AGBL1: variants seen among roughly 807,000 people sequenced by gnomAD.
AGBL1 encodes AGBL carboxypeptidase 1.
A neutral mutation model predicts 118.9 loss-of-function variants in AGBL1; 130 were observed. That is an observed-to-expected ratio of 1.09 (90% CI 0.95 to 1.26). The LOEUF (loss-of-function observed/expected upper bound fraction) is 1.26. Among genes scored for constraint, AGBL1 ranks in the 50% most tolerant of loss-of-function variants. AGBL1 has a pLI of 0.00. For synonymous variants in AGBL1, 555 were observed against 478.9 expected, an observed-to-expected ratio of 1.16 and a Z score of -2.08; for missense variants, 1,584 against 1,298.1, an observed-to-expected ratio of 1.22 and a Z score of -3.38.
chr15:86,866,313 G>A (rs1488213884), intron 22 of AGBL1, among the ~76,000 whole-genome samples: 1 of 152,070 alleles, frequency 6.6e-6, no homozygotes, highest in Non-Finnish European at 1.5e-5. Flanking sequence ...TTGAATTGTT[G>A]GTTGGACTTC....
chr15:86,510,275 T>C (rs2083038122), intron 18 of AGBL1, among the ~76,000 whole-genome samples: 1 of 152,152 alleles, frequency 6.6e-6, no homozygotes, highest in Non-Finnish European at 1.5e-5. Flanking sequence ...ATCTGCTAGT[T>C]AGCAGGAAAG....
chr15:86,700,099 T>G (rs969209328), intron 22 of AGBL1, among the ~76,000 whole-genome samples: 1 of 152,026 alleles, frequency 6.6e-6, no homozygotes, highest in African/African-American at 2.4e-5. Flanking sequence ...GATTCAAGGA[T>G]TACTCTTTTC....
chr15:86,852,537 T>C (rs1426662100), intron 22 of AGBL1, among the ~76,000 whole-genome samples: 1 of 152,222 alleles, frequency 6.6e-6, no homozygotes, highest in Non-Finnish European at 1.5e-5. Context: ...ACTATATAGA[T>C]TATGTGACTT....
chr15:86,776,747 T>TAA (rs1381752225), intron 22 of AGBL1, among the ~76,000 whole-genome samples: 1 of 107,200 alleles, frequency 9.3e-6, no homozygotes, highest in Non-Finnish European at 1.7e-5. Flanking sequence ...ATTATATATA[T>TAA]ATATGTGTGT....
At chr15:86,551,288 C>T (rs28784669) in intron 20 of AGBL1, among the ~76,000 whole-genome samples, 80,262 of 151,840 alleles carry the variant, frequency 0.53, 21,643 homozygotes, top group East Asian at 0.76. Context: ...ACATGCTTTT[C>T]ATTCAATAAT....
At position 86,143,834 on chromosome 15, in the gene AGBL1, T is replaced by G. The variant is rs2076997423; in HGVS notation, c.251T>G (p.Val84Gly). ...CCTCTCTTCCGGCTGCTGGCCAAAG[T>G]TGGCCTAAGAGGTACTCGTACTCCA... ...LLPLFRLLAK[V>G]GLRDKKIGRK... The change falls in exon 3 of 23, where the codon GTT (valine) becomes GGT (glycine). Residue 84 changes from valine (V) to glycine (G), a missense_variant. Physicochemically the swap from Val to Gly is moderately radical, Grantham distance 109. Coordinates refer to ENST00000614907, the MANE Select transcript of AGBL1 (RefSeq NM_001386094.1). 2 of 1,613,628 alleles carry G rather than the reference T, an allele frequency of 1.2e-6. No individual in the cohort carries two copies. The highest frequency in any genetic ancestry group is 2.2e-5 in the South Asian group (2 of 91,074).
chr15:86,131,443 T>A (rs1158006020), intron 1 of AGBL1, among the ~76,000 whole-genome samples: 1 of 151,116 alleles, frequency 6.6e-6, no homozygotes, highest in Non-Finnish European at 1.5e-5. Flanking sequence ...CAATGTCCTA[T>A]TTTTTTTAAA....
At chr15:86,672,130 A>G (rs557776544) in intron 21 of AGBL1, among the ~76,000 whole-genome samples, 2 of 152,192 alleles carry the variant, frequency 1.3e-5, no homozygotes, top group Non-Finnish European at 2.9e-5. Flanking sequence ...GTAAAGAGAA[A>G]AAAACAGAGT....
In AGBL1 at chr15:86,887,266, C is replaced by T. The variant is rs139943428; in HGVS notation, c.3159-19821C>T. On this transcript the variant is annotated intron_variant, in intron 22 of 22. Coordinates refer to ENST00000614907, the MANE Select transcript of AGBL1 (RefSeq NM_001386094.1). ...ATCTATTTATGTATGTATCTATCTA[C>T]CTACCTATCTATCATTTATCTATCA... Among the ~76,000 whole-genome samples the T allele has an allele frequency of 2.2e-3, 335 of 152,212 alleles. 1 individual carries two copies. Among genetic ancestry groups the T allele is most frequent in the African/African-American group, 7.7e-3 (318 of 41,542 alleles).
chr15:86,279,113 G>T (rs1226691973), intron 15 of AGBL1, among the ~76,000 whole-genome samples: 1 of 152,174 alleles, frequency 6.6e-6, no homozygotes, highest in Non-Finnish European at 1.5e-5. Context: ...ATGGGTTGCT[G>T]CAATAATAAC....
chr15:86,824,503 T>C (rs754815781), intron 22 of AGBL1, among the ~76,000 whole-genome samples: 2 of 152,056 alleles, frequency 1.3e-5, no homozygotes, highest in South Asian at 2.1e-4. Context: ...AAAGATGATA[T>C]TTATCTCCAA....
intron 22 of AGBL1, among the ~76,000 whole-genome samples, chr15:86,806,380 T>C (rs2078714145): frequency 1.3e-5 from 2 of 152,032 alleles, no homozygotes; most frequent in African/African-American, 2.4e-5. Flanking sequence ...AGAAATTACT[T>C]AAAAAGTGGC....
intron 7 of AGBL1, among the ~76,000 whole-genome samples, chr15:86,252,266 C>T (rs1341234610): frequency 6.6e-6 from 1 of 152,226 alleles, no homozygotes. Context: ...TCAGGCTCCT[C>T]TCTGGCCAAC....
intron 22 of AGBL1, among the ~76,000 whole-genome samples, chr15:86,888,665 T>G (rs1027547754): frequency 2.6e-5 from 4 of 152,108 alleles, no homozygotes; most frequent in Non-Finnish European, 5.9e-5. Flanking sequence ...CCTTGGACAT[T>G]TTCCATCTGT....
At chr15:86,183,154 G>A (rs75322012) in intron 5 of AGBL1, among the ~76,000 whole-genome samples, 3 of 152,230 alleles carry the variant, frequency 2.0e-5, no homozygotes, top group Admixed American at 6.5e-5. Flanking sequence ...GCCTCTGTCC[G>A]ATCTCTGGCT....
intron 17 of AGBL1, among the ~76,000 whole-genome samples, chr15:86,319,560 A>G (rs1473173099): frequency 6.6e-6 from 1 of 151,894 alleles, no homozygotes; most frequent in Non-Finnish European, 1.5e-5. Flanking sequence ...GAGGTGTAAT[A>G]CCAATTCTGA....
At position 86,497,213 on chromosome 15, in the gene AGBL1, C is replaced by G. The variant is rs537742081; in HGVS notation, c.2556-25597C>G. ...TTATATAAATTTTGCATCTCGCTTC[C>G]CTTCTCTGTGCCTTTTTTGCTTCTT... On this transcript the variant is annotated intron_variant, in intron 18 of 22. Coordinates refer to ENST00000614907, the MANE Select transcript of AGBL1 (RefSeq NM_001386094.1). Among the ~76,000 whole-genome samples, 25 of 151,872 alleles carry G rather than the reference C, an allele frequency of 1.6e-4. No individual in the cohort carries two copies. The Middle Eastern group carries it at 0.014, about 83-fold the overall frequency.
At chr15:86,336,766 T>TG (rs1377861026) in intron 17 of AGBL1, among the ~76,000 whole-genome samples, 1 of 152,216 alleles carries the variant, frequency 6.6e-6, no homozygotes, top group Non-Finnish European at 1.5e-5. Context: ...GGAGACTTAA[T>TG]GGGGGCTTTT....
intron 9 of AGBL1, among the ~76,000 whole-genome samples, chr15:86,259,993 C>T (rs2078956661): frequency 6.6e-6 from 1 of 152,196 alleles, no homozygotes; most frequent in Admixed American, 6.5e-5. Context: ...AATAAATAAA[C>T]TCAACTGGCA....
Sources: gnomAD v4.1 joint callset for allele counts (sites outside exome capture counted in the v4.1 genomes callset) on GRCh38, gnomAD v4.1.1 for gene constraint, MANE v1.5 for transcripts, NCBI Gene and HGNC (gene_info 2026-07-23, HGNC 2026-07-21) for gene names.